GSK3B: variants seen among roughly 807,000 people sequenced by gnomAD.
The protein encoded by GSK3B is glycogen synthase kinase 3 beta.
A neutral mutation model predicts 56.4 loss-of-function variants in GSK3B; 15 were observed. That is an observed-to-expected ratio of 0.27 (90% CI 0.18 to 0.41). The LOEUF (loss-of-function observed/expected upper bound fraction) is 0.41. GSK3B is among the 10% of genes least tolerant of loss of function. The pLI is 1.00. For synonymous variants in GSK3B, 181 were observed against 188.9 expected, an observed-to-expected ratio of 0.96 and a Z score of 0.34; for missense variants, 300 against 513.4, an observed-to-expected ratio of 0.58 and a Z score of 4.02.
chr3:119,868,609 G>A (rs2056212397), intron 8 of GSK3B, among the ~76,000 whole-genome samples: 1 of 152,182 alleles, frequency 6.6e-6, no homozygotes, highest in Admixed American at 6.5e-5. Flanking sequence ...ATTGTATTAT[G>A]TAGCCAATCA....
At chr3:120,051,973 G>A (rs1220485552) in intron 1 of GSK3B, among the ~76,000 whole-genome samples, 1 of 152,196 alleles carries the variant, frequency 6.6e-6, no homozygotes, top group African/African-American at 2.4e-5. Flanking sequence ...GAAAATTCCT[G>A]TGTGGGTTTA....
intron 10 of GSK3B, among the ~76,000 whole-genome samples, chr3:119,834,264 T>C (rs2055653765): frequency 6.6e-6 from 1 of 152,220 alleles, no homozygotes; most frequent in Non-Finnish European, 1.5e-5. Context: ...ATATTAATGT[T>C]ATTAACTGGC....
chr3:119,977,157 T>C (rs2057415971), intron 2 of GSK3B, among the ~76,000 whole-genome samples: 1 of 152,196 alleles, frequency 6.6e-6, no homozygotes, highest in South Asian at 2.1e-4. Flanking sequence ...GAAAATTCCA[T>C]TAAAATTTTA....
At chr3:119,974,248 A>G (rs2057392108) in intron 2 of GSK3B, among the ~76,000 whole-genome samples, 1 of 152,202 alleles carries the variant, frequency 6.6e-6, no homozygotes, top group South Asian at 2.1e-4. Context: ...TTAAAACTCA[A>G]CAATAAGAAA....
chr3:119,886,974 C>CA, intron 7 of GSK3B, among the ~76,000 whole-genome samples: 1 of 151,994 alleles, frequency 6.6e-6, no homozygotes, highest in Non-Finnish European at 1.5e-5. Flanking sequence ...ACCCAGGTAA[C>CA]AAACTTGCAC....
chr3:119,852,983 C>A (rs1424460430), intron 9 of GSK3B, among the ~76,000 whole-genome samples: 1 of 152,174 alleles, frequency 6.6e-6, no homozygotes, highest in Non-Finnish European at 1.5e-5. Context: ...GTGTTTTAGT[C>A]ATGAAGTCCT....
intron 1 of GSK3B, among the ~76,000 whole-genome samples, chr3:120,045,616 C>G (rs948192983): frequency 6.6e-6 from 1 of 152,176 alleles, no homozygotes; most frequent in African/African-American, 2.4e-5. Flanking sequence ...AATAAAAACC[C>G]CTTCTCTCCT....
intron 7 of GSK3B, among the ~76,000 whole-genome samples, chr3:119,900,421 GGTTT>G (rs1351875253): frequency 6.6e-6 from 1 of 151,898 alleles, no homozygotes; most frequent in African/African-American, 2.4e-5. Flanking sequence ...ACAAATGGTT[GGTTT>G]ATTTTTAAAT....
At chr3:120,085,030 T>C (rs1456142043) in intron 1 of GSK3B, among the ~76,000 whole-genome samples, 2 of 152,082 alleles carry the variant, frequency 1.3e-5, no homozygotes, top group East Asian at 1.9e-4. Flanking sequence ...ACATAAGAAA[T>C]TGTAATGCCA....
intron 2 of GSK3B, among the ~76,000 whole-genome samples, chr3:119,982,567 T>C (rs1459347672): frequency 6.6e-6 from 1 of 152,126 alleles, no homozygotes; most frequent in African/African-American, 2.4e-5. Context: ...TCATGACATA[T>C]GCACAAGCTT....
intron 2 of GSK3B, among the ~76,000 whole-genome samples, chr3:119,997,934 C>T (rs1366774536): frequency 1.3e-5 from 2 of 152,012 alleles, no homozygotes; most frequent in Non-Finnish European, 2.9e-5. Context: ...CACTACATCC[C>T]AAAATATAAC....
chr3:119,974,789 C>G (rs571972889), intron 2 of GSK3B, among the ~76,000 whole-genome samples: 1 of 152,264 alleles, frequency 6.6e-6, no homozygotes, highest in East Asian at 1.9e-4. Flanking sequence ...CTACTACACA[C>G]CTATTAGAAT....
At chr3:119,891,942 C>T (rs1376309958) in intron 7 of GSK3B, among the ~76,000 whole-genome samples, 4 of 152,118 alleles carry the variant, frequency 2.6e-5, no homozygotes, top group Non-Finnish European at 4.4e-5. Context: ...TTATCTGTTC[C>T]TGGCCCTACC....
intron 9 of GSK3B, among the ~76,000 whole-genome samples, chr3:119,845,849 T>C (rs532073257): frequency 6.6e-6 from 1 of 152,168 alleles, no homozygotes; most frequent in Non-Finnish European, 1.5e-5. Flanking sequence ...AGAGCCCGTA[T>C]AGCCAAGACA....
chr3:119,831,313 CTG>C (rs1475818873), intron 10 of GSK3B, among the ~76,000 whole-genome samples: 1 of 152,126 alleles, frequency 6.6e-6, no homozygotes, highest in Non-Finnish European at 1.5e-5. Flanking sequence ...AATAAAATCA[CTG>C]TGATTTCTAC....
rs533422865 is a variant in GSK3B at position 120,053,674 on chromosome 3, C to T, written c.88+39673G>A. 3.8e-4 allele frequency among the ~76,000 whole-genome samples: 58 copies of T among 152,298 alleles called. 1 individual carries two copies. The highest frequency in any genetic ancestry group is 1.4e-3 in the African/African-American group (58 of 41,560). On this transcript the variant is annotated intron_variant, in intron 1 of 10. Transcript: ENST00000264235. Reference sequence around the variant, plus strand: ...ACCCAAATCTCATTTTGAATTGTAGCTGCCAAAATTCCTACGTGTTGTGGG... The same window carrying T: ...ACCCAAATCTCATTTTGAATTGTAGTTGCCAAAATTCCTACGTGTTGTGGG...
intron 3 of GSK3B, among the ~76,000 whole-genome samples, chr3:119,930,371 CA>C (rs1167936595): frequency 2.0e-5 from 3 of 151,774 alleles, no homozygotes; most frequent in African/African-American, 7.3e-5. Flanking sequence ...TGGTAAATCA[CA>C]CAGTACAAAA....
intron 2 of GSK3B, among the ~76,000 whole-genome samples, chr3:119,948,749 A>G (rs1219665557): frequency 6.6e-6 from 1 of 152,174 alleles, no homozygotes; most frequent in Admixed American, 6.5e-5. Context: ...CCCAGGCTGG[A>G]GTGCAATGGC....
At chr3:120,029,207 A>G in intron 1 of GSK3B, 1 of 684,146 alleles carries the variant, frequency 1.5e-6, no homozygotes. Flanking sequence ...AACAAGTGGT[A>G]GAATAACCTA....
Sources: allele counts gnomAD v4.1 joint callset (sites outside exome capture counted in the v4.1 genomes callset), GRCh38; gene constraint gnomAD v4.1.1; transcripts MANE v1.5; gene names NCBI Gene and HGNC (gene_info 2026-07-23, HGNC 2026-07-21).